CETP: variants seen among roughly 807,000 people sequenced by gnomAD.
CETP encodes the protein cholesteryl ester transfer protein, also known as BPI fold containing family F.
Under a neutral mutation model 66.5 loss-of-function variants are expected in CETP, and 56 were observed. The ratio of observed to expected loss-of-function variants is 0.84; its 90% CI spans 0.68 to 1.05. The LOEUF is 1.05. Ranked by LOEUF, CETP falls within the 50% of genes least tolerant of loss-of-function variation. CETP has a pLI of 0.00. For missense variants in CETP, 612 were observed against 609.6 expected, an observed-to-expected ratio of 1.00 and a Z score of -0.04; for synonymous variants, 251 against 245.7, an observed-to-expected ratio of 1.02 and a Z score of -0.20.
At chr16:56,983,449 G>A in intron 15 of CETP, 38 bp downstream of exon 15, 10 of 1,609,526 alleles carry the variant, frequency 6.2e-6, no homozygotes, top group Non-Finnish European at 8.5e-6. Context: ...CCTGTTCCTG[G>A]GGAGAGAGGC....
chr16:56,968,424 TG>T (rs1311073301), intron 2 of CETP, among the ~76,000 whole-genome samples: 1 of 152,170 alleles, frequency 6.6e-6, no homozygotes, highest in Non-Finnish European at 1.5e-5. Flanking sequence ...TGACCTCAGG[TG>T]ATCTGCCCTC....
At chr16:56,982,072 T>G in intron 13 of CETP, 93 bp from the exon 14 acceptor site, 9 of 1,173,976 alleles carry the variant, frequency 7.7e-6, no homozygotes, top group Non-Finnish European at 1.2e-5. Flanking sequence ...CGGATGGGCA[T>G]GAGGATGAAT....
At chr16:56,982,403 T>C (rs1361386326) in intron 14 of CETP, among the ~76,000 whole-genome samples, 166 bp downstream of exon 14, 3 of 152,198 alleles carry the variant, frequency 2.0e-5, no homozygotes, top group Non-Finnish European at 2.9e-5. Context: ...TGCACGCCAA[T>C]GACTCGGCCA....
chr16:56,982,705 G>A (rs372321456), intron 14 of CETP, among the ~76,000 whole-genome samples: 49 of 152,290 alleles, frequency 3.2e-4, no homozygotes, highest in African/African-American at 1.1e-3. Context: ...AGACACCATA[G>A]CACACGTGTG....
At position 56,963,051 on chromosome 16, in the gene CETP, C is replaced by A. The variant is rs780627434; in HGVS notation, c.160C>A (p.Arg54=). 26 of 1,614,042 alleles carry A rather than the reference C, an allele frequency of 1.6e-5. No individual in the cohort carries two copies. Among genetic ancestry groups the A allele is most frequent in the South Asian group, 1.4e-4 (13 of 91,088 alleles). The part of the protein sequence containing the change: ...TAKVIQTAFQ[R]ASYPDITGEK... The stretch of plus-strand genomic sequence containing the variant: ...CAAGGTGATCCAGACCGCCTTCCAG[C>A]GAGCCAGCTACCCAGATATCACGGG... Residue 54 remains arginine, a synonymous_variant, in exon 2 of 16, where the codon CGA becomes AGA. Coordinates refer to ENST00000200676, the MANE Select transcript of CETP (RefSeq NM_000078.3).
chr16:56,975,721 G>A (rs1488917595), intron 10 of CETP, among the ~76,000 whole-genome samples: 1 of 131,548 alleles, frequency 7.6e-6, no homozygotes, highest in Non-Finnish European at 1.7e-5. Context: ...GCCTCCCTCA[G>A]CTTTCTGGTC....
chr16:56,983,493 T>G lies in CETP; in HGVS notation c.1407+82T>G, dbSNP rs1315061250. The G allele has an allele frequency of 2.5e-6, 4 of 1,596,624 alleles. No individual in the cohort carries two copies. The African/African-American group carries it at 4.0e-5, about 16-fold the overall frequency. On this transcript the variant is annotated intron_variant, in intron 15 of 15. Transcript: ENST00000200676. ...GATTCCTGGGGTGACTGGGGGCTGT[T>G]GGGGAGACAGACAGAGGGGCCTCTA...
At chr16:56,971,187 G>A in intron 6 of CETP, 85 bp downstream of exon 6, 1 of 1,528,564 alleles carries the variant, frequency 6.5e-7, no homozygotes, top group Non-Finnish European at 9.0e-7. Context: ...CCCTGAGAAG[G>A]TGCCACTCCC....
chr16:56,976,852 CTG>C (rs1895871521), intron 10 of CETP, among the ~76,000 whole-genome samples: 1 of 151,972 alleles, frequency 6.6e-6, no homozygotes, highest in African/African-American at 2.4e-5. Flanking sequence ...CTTTTTACAG[CTG>C]TGTCTTATTT....
intron 11 of CETP, among the ~76,000 whole-genome samples, chr16:56,979,050 C>T (rs1383422516): frequency 6.6e-6 from 1 of 152,164 alleles, no homozygotes; most frequent in Non-Finnish European, 1.5e-5. Context: ...TGGTCTGAGA[C>T]TCCTGGTTTC....
chr16:56,962,333 A>G, intron 1 of CETP: 1 of 721,758 alleles, frequency 1.4e-6, no homozygotes, highest in East Asian at 2.7e-5. Context: ...ACAGCCAGGT[A>G]TAGGGATTTG....
At chr16:56,970,080 C>G (rs1403728560) in intron 5 of CETP, 79 bp downstream of exon 5, 2 of 1,368,044 alleles carry the variant, frequency 1.5e-6, no homozygotes, top group Admixed American at 3.8e-5. Context: ...CCAGGCTCAA[C>G]CCCACACAGG....
At chr16:56,978,332 G>GT (rs1197217477) in intron 11 of CETP, 77 bp downstream of exon 11, 1 of 1,572,998 alleles carries the variant, frequency 6.4e-7, no homozygotes, top group Non-Finnish European at 8.7e-7. Flanking sequence ...GGGCCTGGGG[G>GT]TCTCTGAAGC....
intron 2 of CETP, among the ~76,000 whole-genome samples, chr16:56,964,839 T>C (rs1567469170): frequency 6.6e-6 from 1 of 152,138 alleles, no homozygotes; most frequent in South Asian, 2.1e-4. Context: ...TAGGCTTCTG[T>C]AAAAGAGAAT....
chr16:56,981,373 G>C (rs759062218), intron 12 of CETP, 148 bp downstream of exon 12: 2 of 800,074 alleles, frequency 2.5e-6, no homozygotes, highest in Non-Finnish European at 4.3e-6. Flanking sequence ...ATAAGACCCT[G>C]CCTAGATAGA....
chr16:56,971,428 C>CA (rs771277935), intron 7 of CETP, 47 bp downstream of exon 7: 1 of 1,544,378 alleles, frequency 6.5e-7, no homozygotes, highest in East Asian at 2.2e-5. Flanking sequence ...CAGTGGGAGC[C>CA]AGAAAGCCAC....
Position 56,972,080 on chromosome 16 carries a change from C to G in CETP, c.747C>G (p.His249Gln). 1 of 1,613,318 alleles carries G rather than the reference C, an allele frequency of 6.2e-7. No individual in the cohort carries two copies. Among genetic ancestry groups the G allele is most frequent in the Non-Finnish European group, 8.5e-7 (1 of 1,179,266 alleles). ...VITASYLESH[H>Q]KGHFIYKNVS... ...CAGCCTCCTACCTGGAGTCCCATCA[C>G]AAGGTAGGAGTTGTGGGAGGGTGGG... The change falls in exon 8 of 16, where the codon CAC becomes CAG. Residue 249 changes from histidine to glutamine, a missense_variant. His to Gln is a conservative substitution (Grantham distance 24). Transcript: ENST00000200676.
At chr16:56,969,312 A>T in intron 2 of CETP, 74 bp from the exon 3 acceptor site, 1 of 1,603,226 alleles carries the variant, frequency 6.2e-7, no homozygotes. Context: ...CCTCGCCTAG[A>T]CAAAATTGGA....
chr16:56,974,972 G>A, intron 9 of CETP, 129 bp from the exon 10 acceptor site: 1 of 786,988 alleles, frequency 1.3e-6, no homozygotes, highest in Non-Finnish European at 2.3e-6. Flanking sequence ...CTCACATGTT[G>A]TCTGGGAGGT....
Sources: allele counts gnomAD v4.1 joint callset (sites outside exome capture counted in the v4.1 genomes callset), GRCh38; gene constraint gnomAD v4.1.1; transcripts MANE v1.5; gene names NCBI Gene and HGNC (gene_info 2026-07-23, HGNC 2026-07-21).